Variants in ARPP19 observed in about 807,000 individuals in gnomAD.
ARPP19 encodes the protein cAMP-regulated phosphoprotein 19.
Under a neutral mutation model 12.0 loss-of-function variants are expected in ARPP19, and 8 were observed. The ratio of observed to expected loss-of-function variants is 0.67; its 90% confidence interval spans 0.39 to 1.21. The LOEUF (loss-of-function observed/expected upper bound fraction) is 1.21. ARPP19 is among the 50% of genes most tolerant of loss of function. The pLI, the probability that ARPP19 is intolerant of heterozygous loss-of-function variation, is 0.01. For synonymous variants in ARPP19, 47 were observed against 50.4 expected, an observed-to-expected ratio of 0.93 and a Z score of 0.29; for missense variants, 102 against 136.3, an observed-to-expected ratio of 0.75 and a Z score of 1.25.
intron 1 of ARPP19, among the ~76,000 whole-genome samples, chr15:52,567,998 G>A (rs1385232166): frequency 6.6e-6 from 1 of 152,128 alleles, no homozygotes; most frequent in Admixed American, 6.5e-5. Flanking sequence ...TGCCTAGGAG[G>A]GCAGGGCGGT....
chr15:52,561,780 G>GA (rs55692281), intron 1 of ARPP19, among the ~76,000 whole-genome samples: 15,316 of 140,976 alleles, frequency 0.11, 854 homozygotes, highest in Middle Eastern at 0.17. Context: ...CTGGATTAAG[G>GA]AAAAAAAAAA....
chr15:52,561,934 CTT>C lies in ARPP19; in HGVS notation c.46-4714_46-4713del, dbSNP rs11340086. Among the ~76,000 whole-genome samples, 221 of 126,964 alleles carry C rather than the reference CTT, an allele frequency of 1.7e-3. 4 individuals are homozygous for C. The East Asian group carries it at 0.032, about 19-fold the overall frequency. The allele number at this position is 126,964 out of a possible 152,430, so 83.3% of individuals were successfully genotyped here. A position where few individuals can be genotyped will look rare whatever the true frequency, so the allele number is the denominator to read the frequency against. The stretch of plus-strand genomic sequence containing the variant: ...AAACAGAGCTAGTGCAGTGCACCTA[CTT>C]TTTTTTTTTTTTTTTTTTTTATTAA... On this transcript the variant is annotated intron_variant, in intron 1 of 2. Coordinates refer to ENST00000249822, the MANE Select transcript of ARPP19 (RefSeq NM_006628.6).
intron 2 of ARPP19, among the ~76,000 whole-genome samples, chr15:52,552,531 T>C (rs952059267): frequency 6.0e-5 from 8 of 133,322 alleles, no homozygotes; most frequent in Non-Finnish European, 1.2e-4. Context: ...GAGGCTGCAG[T>C]GAGCCAAGAT....
At chr15:52,555,769 T>C (rs987641866) in intron 2 of ARPP19, among the ~76,000 whole-genome samples, 2 of 152,034 alleles carry the variant, frequency 1.3e-5, no homozygotes, top group African/African-American at 4.8e-5. Context: ...ACTTCAACCT[T>C]AGCAATAGGT....
chr15:52,564,401 G>A (rs2078062939), intron 1 of ARPP19, among the ~76,000 whole-genome samples: 2 of 152,220 alleles, frequency 1.3e-5, no homozygotes, highest in African/African-American at 4.8e-5. Context: ...GACAGAGTAA[G>A]ACCCTGTCTC....
intron 2 of ARPP19, chr15:52,556,851 TTC>T (rs2077986149): frequency 3.0e-6 from 1 of 338,664 alleles, no homozygotes; most frequent in South Asian, 7.6e-5. Context: ...GGTATATGGG[TTC>T]TGTTATATCT....
At position 52,547,113 on chromosome 15, in the gene ARPP19, A is replaced by AAT. The variant is rs59668447; in HGVS notation, c.*4820_*4821insAT. The AAT allele has an allele frequency of 6.7e-6, 1 of 149,982 alleles. No homozygotes were observed. Among genetic ancestry groups the AAT allele is most frequent in the Non-Finnish European group, 1.5e-5 (1 of 67,548 alleles). 9.3% of individuals were successfully genotyped at this position (149,982 alleles called of 1,614,324 possible). ...TTACAAATGCAAAAAAAAAAAAAAA[A>AAT]TCAAAGATTACAAGTCAGTTTCTTC... On this transcript the variant is annotated 3_prime_UTR_variant, in exon 3 of 3. Transcript: ENST00000249822.
At chr15:52,553,972 A>G (rs2077959286) in intron 2 of ARPP19, among the ~76,000 whole-genome samples, 1 of 152,264 alleles carries the variant, frequency 6.6e-6, no homozygotes, top group Non-Finnish European at 1.5e-5. Context: ...AGGCCCATCT[A>G]AAGCTTTCTG....
intron 1 of ARPP19, among the ~76,000 whole-genome samples, chr15:52,558,482 A>AAAAAAAAG (rs559673591): frequency 6.7e-6 from 1 of 148,976 alleles, no homozygotes; most frequent in Non-Finnish European, 1.5e-5. Flanking sequence ...AAAAAAAAAA[A>AAAAAAAAG]AAAGAAAGAA....
chr15:52,563,374 C>A (rs1314280281), intron 1 of ARPP19, among the ~76,000 whole-genome samples: 1 of 152,014 alleles, frequency 6.6e-6, no homozygotes, highest in African/African-American at 2.4e-5. Context: ...GGGAAAGGAA[C>A]CCCAGGATAT....
rs1464968112 is a variant in ARPP19 at position 52,568,868 on chromosome 15, C to T, written c.25G>A (p.Ala9Thr). Residue 9 changes from alanine to threonine, a missense_variant, in exon 1 of 3, where the codon GCC (alanine) becomes ACC (threonine). Physicochemically the swap from Ala to Thr is moderately conservative, Grantham distance 58. Transcript: ENST00000249822. MSAEVPEA[A>T]SAEEQKEMED... is the part of the protein sequence containing the mutation. ...CTCACCTTCTGCTCCTCCGCGGAGG[C>T]TGCCTCGGGGACTTCCGCAGACATA... 1.0e-5 allele frequency: 16 copies of T among 1,572,974 alleles called. No individual in the cohort carries two copies. Among genetic ancestry groups the T allele is most frequent in the Non-Finnish European group, 1.4e-5 (16 of 1,163,446 alleles).
intron 1 of ARPP19, chr15:52,557,747 T>C (rs1446879771): frequency 6.6e-6 from 1 of 151,950 alleles, no homozygotes; most frequent in African/African-American, 2.4e-5. Flanking sequence ...TTAATATTTT[T>C]ATTATTTTAA....
chr15:52,564,077 G>C (rs1469953610), intron 1 of ARPP19: 1 of 681,722 alleles, frequency 1.5e-6, no homozygotes, highest in African/African-American at 1.8e-5. Flanking sequence ...TTCTGGATTA[G>C]AAGTTAAGTA....
rs74404222 is a variant in ARPP19 at position 52,556,423 on chromosome 15, A to G, written c.168+677T>C. 3.2e-3 allele frequency among the ~76,000 whole-genome samples: 481 copies of G among 152,152 alleles called. 2 individuals are homozygous for G. The highest frequency in any genetic ancestry group is 5.2e-3 in the Non-Finnish European group (352 of 67,916). Reference sequence around the variant, plus strand: ...AACAGGCCAGCATTATCTCAATCTCATTATTGAGAAATAATGGTATCTACC... The same window carrying G: ...AACAGGCCAGCATTATCTCAATCTCGTTATTGAGAAATAATGGTATCTACC... On this transcript the variant is annotated intron_variant, in intron 2 of 2. Transcript: ENST00000249822.
chr15:52,552,198 C>T, intron 2 of ARPP19, 94 bp from the exon 3 acceptor site: 1 of 707,908 alleles, frequency 1.4e-6, no homozygotes, highest in Non-Finnish European at 2.5e-6. Context: ...TAAGGTTGGT[C>T]TAAAAGAATT....
chr15:52,562,251 C>G (rs560990782), intron 1 of ARPP19, among the ~76,000 whole-genome samples: 1 of 152,264 alleles, frequency 6.6e-6, no homozygotes, highest in South Asian at 2.1e-4. Context: ...AATGCATAGT[C>G]TTCCACAGCA....
At chr15:52,556,970 C>T (rs2077987213) in intron 2 of ARPP19, 130 bp downstream of exon 2, 4 of 911,144 alleles carry the variant, frequency 4.4e-6, no homozygotes, top group Non-Finnish European at 6.4e-6. Context: ...AAACCCATTA[C>T]AGATACATAT....
Position 52,561,164 on chromosome 15 carries a change from C to G in ARPP19, c.46-3942G>C, listed in dbSNP as rs149059725. Among the ~76,000 whole-genome samples the G allele has an allele frequency of 6.6e-5, 10 of 152,222 alleles. No homozygotes were observed. The East Asian group carries it at 1.5e-3, about 23-fold the overall frequency. ...TCATGTTCAAAAATGCAAAATAGAA[C>G]ACAATTTGATGTGACTCCACGTTTC... On this transcript the variant is annotated intron_variant, in intron 1 of 2. Transcript: ENST00000249822.
At chr15:52,565,830 T>C (rs2078076187) in intron 1 of ARPP19, among the ~76,000 whole-genome samples, 1 of 152,234 alleles carries the variant, frequency 6.6e-6, no homozygotes, top group African/African-American at 2.4e-5. Flanking sequence ...ACTGGCTTTG[T>C]TGTATTTAAT....
Sources: gnomAD v4.1 joint callset for allele counts (sites outside exome capture counted in the v4.1 genomes callset) on GRCh38, gnomAD v4.1.1 for gene constraint, MANE v1.5 for transcripts, NCBI Gene and HGNC (gene_info 2026-07-23, HGNC 2026-07-21) for gene names.